TSG101: variants seen among roughly 807,000 people sequenced by gnomAD.
The protein encoded by TSG101 is tumor susceptibility gene 101 protein.
Under a neutral mutation model 48.5 loss-of-function variants are expected in TSG101, and 19 were observed. That is an observed-to-expected ratio of 0.39 (90% CI 0.27 to 0.58). The LOEUF is 0.58. Among genes scored for constraint, TSG101 ranks in the 20% least tolerant of loss-of-function variants. The pLI is 0.55. For missense variants in TSG101, 365 were observed against 484.4 expected (o/e 0.75, Z 2.31); for synonymous variants, 174 against 169.4 (o/e 1.03, Z -0.21).
chr11:18,507,002 C>A, intron 5 of TSG101, 79 bp from the exon 6 acceptor site: 1 of 1,168,714 alleles, frequency 8.6e-7, no homozygotes, highest in Non-Finnish European at 1.2e-6. Context: ...ATATACATCA[C>A]ACTGTCAATA....
At chr11:18,492,765 T>TAAA (rs60389211) in intron 7 of TSG101, among the ~76,000 whole-genome samples, 3 of 123,912 alleles carry the variant, frequency 2.4e-5, no homozygotes, top group African/African-American at 6.2e-5. Context: ...AACTACTTTG[T>TAAA]AAAAAAAAAA....
intron 7 of TSG101, among the ~76,000 whole-genome samples, chr11:18,499,377 TTTAA>T (rs1435438216): frequency 8.1e-5 from 3 of 36,956 alleles, no homozygotes; most frequent in Non-Finnish European, 1.7e-4. Context: ...TATGTTTATA[TTTAA>T]ATATATATAT....
intron 8 of TSG101, 133 bp from the exon 9 acceptor site, chr11:18,482,002 A>G (rs552114558): frequency 1.6e-6 from 2 of 1,244,330 alleles, no homozygotes; most frequent in African/African-American, 3.0e-5. Flanking sequence ...AATGTTTCAA[A>G]TAACACCCTG....
chr11:18,481,590 C>A, intron 9 of TSG101, 40 bp downstream of exon 9: 1 of 1,596,306 alleles, frequency 6.3e-7, no homozygotes, highest in Non-Finnish European at 8.5e-7. Flanking sequence ...GCCTCTACAA[C>A]CCAAGTTAAA....
chr11:18,480,645 G>C lies in TSG101; in HGVS notation c.1084-10C>G, dbSNP rs371490370. On this transcript the variant is annotated splice_polypyrimidine_tract_variant and intron_variant, in intron 9 of 9. Transcript: ENST00000251968. Reference sequence around the variant, plus strand: ...ACAGAAGACGTACATGCTGGGAGGGGAGAAAAGTTTGAATAGTTTAGAATG... The same window carrying C: ...ACAGAAGACGTACATGCTGGGAGGGCAGAAAAGTTTGAATAGTTTAGAATG... The C allele has an allele frequency of 5.6e-6, 9 of 1,612,478 alleles. No individual in the cohort carries two copies. In the African/African-American group the frequency reaches 1.2e-4, roughly 22 times the overall value.
At chr11:18,481,007 G>C (rs1042649667) in intron 9 of TSG101, among the ~76,000 whole-genome samples, 1 of 152,190 alleles carries the variant, frequency 6.6e-6, no homozygotes, top group Admixed American at 6.5e-5. Context: ...AGTGAGAGGA[G>C]ATAGGCAAGA....
At chr11:18,487,728 G>A (rs540789971) in intron 7 of TSG101, among the ~76,000 whole-genome samples, 1 of 152,268 alleles carries the variant, frequency 6.6e-6, no homozygotes, top group African/African-American at 2.4e-5. Flanking sequence ...CAAAGTATAG[G>A]AATCTGCTAT....
intron 7 of TSG101, chr11:18,490,719 C>G (rs1849686342): frequency 2.2e-6 from 1 of 459,814 alleles, no homozygotes; most frequent in Non-Finnish European, 4.3e-6. Flanking sequence ...TCATGCTACT[C>G]TCTCCCCATC....
intron 7 of TSG101, among the ~76,000 whole-genome samples, chr11:18,492,486 CACATTTAAATCCTGGAATTT>C (rs1849712740): frequency 6.6e-6 from 1 of 152,128 alleles, no homozygotes. Context: ...TTTAAAAACA[CACATTTAAATCCTGGAATTT>C]ACATTCTGTT....
At chr11:18,498,971 G>T (rs558237201) in intron 7 of TSG101, among the ~76,000 whole-genome samples, 4 of 151,988 alleles carry the variant, frequency 2.6e-5, no homozygotes, top group Admixed American at 1.3e-4. Context: ...AGTAAGATGA[G>T]AATAGTAACT....
chr11:18,496,855 T>A lies in TSG101; in HGVS notation c.640+5631A>T, dbSNP rs116733625. Reference sequence around the variant, plus strand: ...CCTGTAATACCAGCACTTTGGTGGGTTGAGGCAGGTGGTGAGGTCAGGAGT... The same window carrying A: ...CCTGTAATACCAGCACTTTGGTGGGATGAGGCAGGTGGTGAGGTCAGGAGT... On this transcript the variant is annotated intron_variant, in intron 7 of 9. Transcript: ENST00000251968. 3.8e-3 allele frequency among the ~76,000 whole-genome samples: 585 copies of A among 152,078 alleles called. 2 individuals carry two copies. The highest frequency in any genetic ancestry group is 0.013 in the African/African-American group (544 of 41,522).
At chr11:18,498,626 A>G in intron 7 of TSG101, among the ~76,000 whole-genome samples, 1 of 152,206 alleles carries the variant, frequency 6.6e-6, no homozygotes, top group East Asian at 1.9e-4. Flanking sequence ...TAAACATCCA[A>G]GTAGAGATAC....
chr11:18,493,091 T>C (rs182636396), intron 7 of TSG101, among the ~76,000 whole-genome samples: 1 of 152,346 alleles, frequency 6.6e-6, no homozygotes, highest in African/African-American at 2.4e-5. Context: ...CTGACCTTTT[T>C]ACTCAAGCAG....
At position 18,521,582 on chromosome 11, in the gene TSG101, T is replaced by G. The variant is rs575869364; in HGVS notation, c.43-1979A>C. On this transcript the variant is annotated intron_variant, in intron 1 of 9. Coordinates refer to ENST00000251968, the MANE Select transcript of TSG101 (RefSeq NM_006292.4). ...CAGGATCTCACTATGTTGCCCAAGC[T>G]GTTCTCAAACTCCTGGAAGTGATCC... 2.8e-4 allele frequency among the ~76,000 whole-genome samples: 43 copies of G among 151,370 alleles called. 1 individual carries two copies. The South Asian group carries it at 7.3e-3, about 26-fold the overall frequency.
chr11:18,515,992 G>T (rs1667868162), intron 3 of TSG101, 107 bp downstream of exon 3: 1 of 900,482 alleles, frequency 1.1e-6, no homozygotes, highest in Non-Finnish European at 1.7e-6. Context: ...ATCTATATCA[G>T]CATCAAAGCC....
At chr11:18,521,531 G>A (rs1410179395) in intron 1 of TSG101, among the ~76,000 whole-genome samples, 1 of 151,162 alleles carries the variant, frequency 6.6e-6, no homozygotes, top group Admixed American at 6.6e-5. Flanking sequence ...ATCACACCTG[G>A]ATAATTTTTA....
chr11:18,495,971 T>A (rs940435867), intron 7 of TSG101, among the ~76,000 whole-genome samples: 2 of 148,596 alleles, frequency 1.3e-5, no homozygotes, highest in African/African-American at 4.9e-5. Flanking sequence ...ACCTGGAGAT[T>A]CTGGCACAAG....
At chr11:18,491,291 T>C (rs1849697809) in intron 7 of TSG101, among the ~76,000 whole-genome samples, 1 of 151,224 alleles carries the variant, frequency 6.6e-6, no homozygotes, top group Admixed American at 6.6e-5. Context: ...AACAGTGTGA[T>C]TTATGGGGGG....
At chr11:18,514,657 C>T in intron 4 of TSG101, 21 bp downstream of exon 4, 1 of 1,513,026 alleles carries the variant, frequency 6.6e-7, no homozygotes, top group Non-Finnish European at 8.8e-7. Context: ...AACTAATTCA[C>T]AGAACACTAT....
Sources: gnomAD v4.1 joint callset for allele counts (sites outside exome capture counted in the v4.1 genomes callset) on GRCh38, gnomAD v4.1.1 for gene constraint, MANE v1.5 for transcripts, NCBI Gene and HGNC (gene_info 2026-07-23, HGNC 2026-07-21) for gene names.